CDH12: variants seen among roughly 807,000 people sequenced by gnomAD.
CDH12 encodes cadherin 12.
In CDH12, 41 loss-of-function variants were observed where a neutral mutation model predicts 74.1. The observed-to-expected ratio is 0.55, with a 90% CI of 0.43 to 0.72. The LOEUF (loss-of-function observed/expected upper bound fraction) is 0.72, where lower values mean the gene tolerates loss of function less well. Ranked by LOEUF, CDH12 falls within the 30% of genes least tolerant of loss-of-function variation. CDH12 has a pLI of 0.00. For missense variants in CDH12, 945 were observed against 977.2 expected (o/e 0.97, Z 0.44); for synonymous variants, 399 against 355.0 (o/e 1.12, Z -1.39).
intron 3 of CDH12, among the ~76,000 whole-genome samples, chr5:22,291,744 GATTA>G (rs1399431905): frequency 2.0e-5 from 3 of 152,056 alleles, no homozygotes; most frequent in African/African-American, 4.8e-5. Flanking sequence ...TCATGGATTG[GATTA>G]ATTAATATTG....
At chr5:21,902,238 TC>T (rs1753423216) in intron 6 of CDH12, among the ~76,000 whole-genome samples, 1 of 151,324 alleles carries the variant, frequency 6.6e-6, no homozygotes, top group African/African-American at 2.4e-5. Flanking sequence ...GTGCTCTCTC[TC>T]TCTCTACATA....
chr5:22,850,611 T>G (rs1405612741), intron 1 of CDH12, among the ~76,000 whole-genome samples: 1 of 152,132 alleles, frequency 6.6e-6, no homozygotes, highest in Non-Finnish European at 1.5e-5. Context: ...TCTCTATTGA[T>G]GTAATGATCA....
At chr5:22,731,951 T>C (rs143209294) in intron 1 of CDH12, among the ~76,000 whole-genome samples, 2 of 151,936 alleles carry the variant, frequency 1.3e-5, no homozygotes, top group East Asian at 1.9e-4. Context: ...CCTAAATACA[T>C]AGCAACAATA....
chr5:22,675,755 T>C (rs780824857), intron 1 of CDH12, among the ~76,000 whole-genome samples: 2 of 151,592 alleles, frequency 1.3e-5, no homozygotes, highest in Non-Finnish European at 2.9e-5. Flanking sequence ...CTTAAGTCCA[T>C]TAAACCTCTT....
intron 7 of CDH12, 74 bp downstream of exon 7, chr5:21,854,597 C>T: frequency 7.9e-7 from 1 of 1,267,686 alleles, no homozygotes; most frequent in Non-Finnish European, 1.1e-6. Flanking sequence ...TATGCAACTC[C>T]CCATGCCAAG....
chr5:22,540,962 C>T (rs974747740), intron 1 of CDH12, among the ~76,000 whole-genome samples: 7 of 152,178 alleles, frequency 4.6e-5, no homozygotes, highest in Non-Finnish European at 8.8e-5. Context: ...AAATATTTCT[C>T]TGTTGAGATG....
At chr5:22,371,050 T>C (rs1025436408) in intron 3 of CDH12, among the ~76,000 whole-genome samples, 1 of 152,100 alleles carries the variant, frequency 6.6e-6, no homozygotes, top group African/African-American at 2.4e-5. Context: ...ATATACTAAT[T>C]GGCAAATAAA....
intron 3 of CDH12, among the ~76,000 whole-genome samples, chr5:22,218,219 G>A (rs1485936840): frequency 6.6e-6 from 1 of 151,626 alleles, no homozygotes; most frequent in Non-Finnish European, 1.5e-5. Context: ...TGCCTATCGT[G>A]TGATGCAGCC....
At chr5:22,014,838 C>A (rs1227356189) in intron 5 of CDH12, among the ~76,000 whole-genome samples, 1 of 152,040 alleles carries the variant, frequency 6.6e-6, no homozygotes, top group African/African-American at 2.4e-5. Context: ...AAAACATACA[C>A]TTATTTGATA....
intron 1 of CDH12, among the ~76,000 whole-genome samples, chr5:22,584,473 G>GC (rs1223693889): frequency 2.0e-5 from 3 of 151,854 alleles, no homozygotes; most frequent in African/African-American, 7.3e-5. Context: ...CATTTTTATT[G>GC]TTTGCCATTT....
At chr5:22,690,834 T>C (rs2126942868) in intron 1 of CDH12, among the ~76,000 whole-genome samples, 1 of 152,280 alleles carries the variant, frequency 6.6e-6, no homozygotes, top group East Asian at 1.9e-4. Flanking sequence ...TATTATTCTC[T>C]TATAAACAGA....
intron 6 of CDH12, among the ~76,000 whole-genome samples, chr5:21,960,931 A>C (rs182193780): frequency 6.6e-6 from 1 of 152,230 alleles, no homozygotes; most frequent in East Asian, 1.9e-4. Flanking sequence ...ATCTTTTGCA[A>C]ATTATTGAGA....
intron 1 of CDH12, among the ~76,000 whole-genome samples, chr5:22,757,578 A>T (rs1745993167): frequency 6.6e-6 from 1 of 152,194 alleles, no homozygotes; most frequent in South Asian, 2.1e-4. Flanking sequence ...AAAAGAAAAA[A>T]AGATTGTTAA....
intron 4 of CDH12, among the ~76,000 whole-genome samples, chr5:22,158,375 C>A (rs1430994841): frequency 6.6e-6 from 1 of 151,974 alleles, no homozygotes; most frequent in Admixed American, 6.6e-5. Flanking sequence ...ATAATATTTA[C>A]TGAGCACTTA....
intron 1 of CDH12, among the ~76,000 whole-genome samples, chr5:22,654,236 G>GTTTC (rs200960229): frequency 1.6e-5 from 2 of 122,824 alleles, no homozygotes; most frequent in South Asian, 2.6e-4. Context: ...TTGTTTCTTT[G>GTTTC]TTTCTTTCTT....
chr5:21,882,946 T>C, intron 6 of CDH12: 10 of 1,600,894 alleles, frequency 6.2e-6, no homozygotes, highest in Non-Finnish European at 8.5e-6. Flanking sequence ...GCTACTGTAC[T>C]GGCAGGCTCT....
At chr5:22,824,876 T>C (rs1263893107) in intron 1 of CDH12, among the ~76,000 whole-genome samples, 1 of 151,780 alleles carries the variant, frequency 6.6e-6, no homozygotes, top group Non-Finnish European at 1.5e-5. Flanking sequence ...GTGTCCAAAA[T>C]TTATATATAT....
intron 4 of CDH12, among the ~76,000 whole-genome samples, chr5:22,128,459 T>A (rs1333080053): frequency 1.3e-5 from 2 of 152,160 alleles, no homozygotes; most frequent in Non-Finnish European, 2.9e-5. Flanking sequence ...TAAACTTATT[T>A]CTATCACACA....
At chr5:21,783,604 A>T in intron 10 of CDH12, 110 bp from the exon 11 acceptor site, 1 of 746,660 alleles carries the variant, frequency 1.3e-6, no homozygotes, top group Middle Eastern at 2.8e-4. Flanking sequence ...GCTATTACCC[A>T]CCTTGCAATA....
Sources: gnomAD v4.1 joint callset for allele counts (sites outside exome capture counted in the v4.1 genomes callset) on GRCh38, gnomAD v4.1.1 for gene constraint, MANE v1.5 for transcripts, NCBI Gene and HGNC (gene_info 2026-07-23, HGNC 2026-07-21) for gene names.